Variants in INPP4B observed in about 807,000 individuals in gnomAD.
INPP4B encodes inositol polyphosphate 4-phosphatase type II.
A neutral mutation model predicts 122.5 loss-of-function variants in INPP4B; 55 were observed. The ratio of observed to expected loss-of-function variants is 0.45; its 90% confidence interval spans 0.36 to 0.56. The LOEUF is 0.56. INPP4B is among the 20% of genes least tolerant of loss of function. INPP4B has a pLI of 0.00. For synonymous variants in INPP4B, 403 were observed against 388.7 expected, an observed-to-expected ratio of 1.04 and a Z score of -0.43; for missense variants, 1,000 against 1,097.7, an observed-to-expected ratio of 0.91 and a Z score of 1.26.
chr4:142,604,489 A>G (rs1298854744), intron 2 of INPP4B, among the ~76,000 whole-genome samples: 2 of 152,180 alleles, frequency 1.3e-5, no homozygotes, highest in Middle Eastern at 3.4e-3. Context: ...AAAGACTCCA[A>G]CAGAAAACTC....
chr4:142,360,185 T>C (rs766970551), intron 7 of INPP4B, among the ~76,000 whole-genome samples: 7 of 151,996 alleles, frequency 4.6e-5, no homozygotes, highest in Non-Finnish European at 1.0e-4. Flanking sequence ...CTGATTCTAA[T>C]GTTCATATAA....
At chr4:142,691,334 T>G (rs919676767) in intron 2 of INPP4B, among the ~76,000 whole-genome samples, 24 of 151,580 alleles carry the variant, frequency 1.6e-4, no homozygotes, top group Non-Finnish European at 2.1e-4. Flanking sequence ...CAAAGTTTTT[T>G]TTTTTTTTTT....
intron 2 of INPP4B, among the ~76,000 whole-genome samples, chr4:142,508,819 G>A (rs976947185): frequency 2.0e-4 from 30 of 152,190 alleles, no homozygotes; most frequent in African/African-American, 6.3e-4. Context: ...AAAGGAGGAA[G>A]TTTGGCACCT....
intron 11 of INPP4B, among the ~76,000 whole-genome samples, chr4:142,244,215 T>A (rs1579417679): frequency 6.6e-6 from 1 of 151,642 alleles, no homozygotes; most frequent in Middle Eastern, 3.4e-3. Flanking sequence ...TCCAGCTTCA[T>A]CGATGTCCCT....
intron 2 of INPP4B, among the ~76,000 whole-genome samples, chr4:142,528,669 G>C (rs1030230977): frequency 6.6e-6 from 1 of 152,040 alleles, no homozygotes; most frequent in Non-Finnish European, 1.5e-5. Context: ...CATGAACCAG[G>C]ATCAGTGAGA....
chr4:142,756,520 G>A (rs1386364423), intron 1 of INPP4B, among the ~76,000 whole-genome samples: 2 of 151,912 alleles, frequency 1.3e-5, no homozygotes, highest in African/African-American at 4.8e-5. Context: ...GATAAAACTG[G>A]AGGCTCCTCT....
At chr4:142,743,665 G>A (rs946844177) in intron 1 of INPP4B, among the ~76,000 whole-genome samples, 12 of 151,918 alleles carry the variant, frequency 7.9e-5, no homozygotes, top group African/African-American at 2.7e-4. Flanking sequence ...TACTTTGTGA[G>A]TGGAGATAAT....
chr4:142,833,093 AG>A (rs1481598458), intron 1 of INPP4B, among the ~76,000 whole-genome samples: 1 of 151,346 alleles, frequency 6.6e-6, no homozygotes, highest in Non-Finnish European at 1.5e-5. Context: ...AAGTTTTTTT[AG>A]GGACAGGCAA....
chr4:142,332,356 G>T (rs1002705395), intron 7 of INPP4B, among the ~76,000 whole-genome samples: 2 of 152,062 alleles, frequency 1.3e-5, no homozygotes, highest in Admixed American at 1.3e-4. Flanking sequence ...TACAGATTTT[G>T]TAATAATAAT....
intron 2 of INPP4B, among the ~76,000 whole-genome samples, chr4:142,579,152 T>C (rs1316808508): frequency 6.6e-6 from 1 of 151,936 alleles, no homozygotes; most frequent in Non-Finnish European, 1.5e-5. Flanking sequence ...AACATTTAAA[T>C]GGGGGAAGTA....
chr4:142,639,911 A>T lies in INPP4B; in HGVS notation c.-191+85928T>A, dbSNP rs142336564. On this transcript the variant is annotated intron_variant, in intron 2 of 25. Coordinates refer to ENST00000262992, the MANE Select transcript of INPP4B (RefSeq NM_001101669.3). ...ACTACCCATGTATCTCATCTACTTTAGTTGAAAAGATAATCTTTTCAACAA... is the reference window on the plus strand; with the variant it reads ...ACTACCCATGTATCTCATCTACTTTTGTTGAAAAGATAATCTTTTCAACAA... Among the ~76,000 whole-genome samples, 405 of 152,300 alleles carry T rather than the reference A, an allele frequency of 2.7e-3. 6 individuals are homozygous for T. Among genetic ancestry groups the T allele is most frequent in the East Asian group, 0.018 (95 of 5,178 alleles).
At chr4:142,826,250 G>A (rs1307834573) in intron 1 of INPP4B, among the ~76,000 whole-genome samples, 1 of 152,096 alleles carries the variant, frequency 6.6e-6, no homozygotes, top group Non-Finnish European at 1.5e-5. Context: ...TTATTTGGCT[G>A]CACAAGAGAA....
Position 142,841,959 on chromosome 4 carries a change from A to T in INPP4B, c.-254+4250T>A, listed in dbSNP as rs117369783. On this transcript the variant is annotated intron_variant, in intron 1 of 25. Coordinates refer to ENST00000262992, the MANE Select transcript of INPP4B (RefSeq NM_001101669.3). The stretch of plus-strand genomic sequence containing the variant: ...TAACCAGAAGAGTATGTAAAGATAG[A>T]TAGATAGACACAGATAGATAGATTG... Among the ~76,000 whole-genome samples the T allele has an allele frequency of 1.4e-4, 21 of 152,012 alleles. No individual in the cohort carries two copies. The East Asian group carries it at 4.0e-3, about 29-fold the overall frequency.
intron 12 of INPP4B, among the ~76,000 whole-genome samples, chr4:142,232,279 A>G (rs1033409809): frequency 2.6e-5 from 4 of 152,094 alleles, no homozygotes; most frequent in Non-Finnish European, 4.4e-5. Context: ...TTGTTTTTAC[A>G]AATTGAAGAT....
chr4:142,402,876 A>C, intron 7 of INPP4B, 62 bp downstream of exon 7: 1 of 849,212 alleles, frequency 1.2e-6, no homozygotes, highest in Non-Finnish European at 2.0e-6. Context: ...TTACACAAAA[A>C]ATCCAATCGT....
chr4:142,258,496 C>G (rs1486034190), intron 11 of INPP4B, among the ~76,000 whole-genome samples: 1 of 152,160 alleles, frequency 6.6e-6, no homozygotes, highest in Non-Finnish European at 1.5e-5. Context: ...TGAACTCAAA[C>G]AAATTTACAA....
chr4:142,551,197 C>T (rs79442729), intron 2 of INPP4B, among the ~76,000 whole-genome samples: 3,270 of 152,252 alleles, frequency 0.021, 46 homozygotes, highest in Non-Finnish European at 0.032. Flanking sequence ...TTTCCTTGGA[C>T]GACGCCCTTG....
intron 11 of INPP4B, among the ~76,000 whole-genome samples, chr4:142,243,042 T>C (rs1860284515): frequency 6.6e-6 from 1 of 152,094 alleles, no homozygotes; most frequent in African/African-American, 2.4e-5. Flanking sequence ...AGAGAGCAGG[T>C]ACACCACCAA....
At chr4:142,103,171 C>CT (rs1282435674) in intron 23 of INPP4B, among the ~76,000 whole-genome samples, 2 of 152,028 alleles carry the variant, frequency 1.3e-5, no homozygotes, top group African/African-American at 2.4e-5. Flanking sequence ...CCTCATTCTT[C>CT]TTTCATCAAC....
Sources: gnomAD v4.1 joint callset for allele counts (sites outside exome capture counted in the v4.1 genomes callset) on GRCh38, gnomAD v4.1.1 for gene constraint, MANE v1.5 for transcripts, NCBI Gene and HGNC (gene_info 2026-07-23, HGNC 2026-07-21) for gene names.